FAM107A: variants seen among roughly 807,000 people sequenced by gnomAD.
FAM107A encodes the protein family with sequence similarity 107 member A.
FAM107A carries 19 observed loss-of-function variants against 13.7 expected under a neutral mutation model. That is an observed-to-expected ratio of 1.38 (90% CI 0.97 to 2.03). The LOEUF (loss-of-function observed/expected upper bound fraction) is 2.03, where lower values mean the gene tolerates loss of function less well. FAM107A is among the 30% of genes most tolerant of loss of function. The pLI, the probability that FAM107A is intolerant of heterozygous loss-of-function variation, is 0.00. For synonymous variants in FAM107A, 82 were observed against 74.5 expected (o/e 1.10, Z -0.52); for missense variants, 203 against 184.4 (o/e 1.10, Z -0.58).
rs556649569 is a variant in FAM107A at position 58,617,050 on chromosome 3, G to C, written c.-70+10366C>G. Among the ~76,000 whole-genome samples, 2 of 152,174 alleles carry C rather than the reference G, an allele frequency of 1.3e-5. No homozygotes were observed. The highest frequency in any genetic ancestry group is 1.3e-4 in the Admixed American group (2 of 15,284). On this transcript the variant is annotated intron_variant, in intron 1 of 3. Transcript: ENST00000465970. The surrounding 1 kb of genome is among the most constrained non-coding windows in gnomAD (Gnocchi z 4.5). ...GCCTCCCAAAGTGCTGGGATTACAG[G>C]CGTGAGCCACCGCGCCTGGCCTCGG...
chr3:58,583,478 C>T (rs190794853), intron 1 of FAM107A, among the ~76,000 whole-genome samples: 293 of 152,120 alleles, frequency 1.9e-3, no homozygotes, highest in African/African-American at 6.7e-3. Flanking sequence ...CAAAATTAGC[C>T]GGGCGTGGTG....
intron 1 of FAM107A, among the ~76,000 whole-genome samples, chr3:58,614,755 T>C (rs1222289476): frequency 6.6e-6 from 1 of 152,200 alleles, no homozygotes. Context: ...TCCACCCACC[T>C]TGGCCTCCCA....
chr3:58,613,138 C>T lies in FAM107A; in HGVS notation c.-70+14278G>A, dbSNP rs2065870299. On this transcript the variant is annotated intron_variant, in intron 1 of 3. Transcript: ENST00000465970. This position sits in a 1 kb window ranked among gnomAD's most constrained non-coding sequence, Gnocchi z 4.6. ...AATCTAGCCCAAGGGAGCCAACTGC[C>T]TGTTTTGTCAGGTAACACCGACAAA... Among the ~76,000 whole-genome samples the T allele has an allele frequency of 6.6e-6, 1 of 152,194 alleles. No homozygotes were observed. Among genetic ancestry groups the T allele is most frequent in the South Asian group, 2.1e-4 (1 of 4,824 alleles).
chr3:58,565,690 G>A lies in FAM107A; in HGVS notation c.*898C>T, dbSNP rs1045880582. Reference sequence around the variant, plus strand: ...GGGGCATCAGTCCACAGGAGGTGGGGGCCAGCGATGGCTTCAGGGGTGATA... The same window carrying A: ...GGGGCATCAGTCCACAGGAGGTGGGAGCCAGCGATGGCTTCAGGGGTGATA... On this transcript the variant is annotated 3_prime_UTR_variant, in exon 4 of 4. Coordinates refer to ENST00000360997, the MANE Select transcript of FAM107A (RefSeq NM_001076778.3). 1 of 151,860 alleles carries A rather than the reference G, an allele frequency of 6.6e-6. No individual in the cohort carries two copies. Among genetic ancestry groups the A allele is most frequent in the East Asian group, 1.9e-4 (1 of 5,158 alleles). 9.4% of individuals were successfully genotyped at this position (151,860 alleles called of 1,614,324 possible).
chr3:58,579,284 CAG>C (rs1054308923), upstream of FAM107A, among the ~76,000 whole-genome samples: 1 of 151,930 alleles, frequency 6.6e-6, no homozygotes, highest in African/African-American at 2.4e-5. Context: ...AGGTGGGAGA[CAG>C]GGGTGGAGTG....
In FAM107A at chr3:58,602,208, A is replaced by G. The variant is rs181957959; in HGVS notation, c.-69-12939T>C. On this transcript the variant is annotated intron_variant, in intron 1 of 3. Coordinates refer to the FAM107A transcript ENST00000465970. ...GAAATCCAAACGGTCCACAAACGTA[A>G]GAAAGATGCTCTGCCTCCCCAGAAA... 4.7e-4 allele frequency among the ~76,000 whole-genome samples: 71 copies of G among 152,324 alleles called. 2 individuals are homozygous for G. Among genetic ancestry groups the G allele is most frequent in the Admixed American group, 2.2e-3 (33 of 15,300 alleles).
chr3:58,572,556 T>C (rs1481719725), intron 1 of FAM107A, among the ~76,000 whole-genome samples: 1 of 152,116 alleles, frequency 6.6e-6, no homozygotes, highest in Non-Finnish European at 1.5e-5. Flanking sequence ...TGGTGTGAGC[T>C]GAGAGACTGG....
At chr3:58,568,481 T>G (rs2063646851) in intron 2 of FAM107A, among the ~76,000 whole-genome samples, 1 of 152,188 alleles carries the variant, frequency 6.6e-6, no homozygotes, top group Non-Finnish European at 1.5e-5. Flanking sequence ...ATCTGAATTT[T>G]TTTTTGTATA....
Position 58,604,851 on chromosome 3 carries a change from T to C in FAM107A, c.-69-15582A>G, listed in dbSNP as rs1266173930. Among the ~76,000 whole-genome samples the C allele has an allele frequency of 6.6e-6, 1 of 152,222 alleles. No individual in the cohort carries two copies. Among genetic ancestry groups the C allele is most frequent in the African/African-American group, 2.4e-5 (1 of 41,454 alleles). ...ACATTTTCCTGTCTCTTTGCATGTCTAAACAATTTTGATTGTATACTGGAG... is the reference window on the plus strand; with the variant it reads ...ACATTTTCCTGTCTCTTTGCATGTCCAAACAATTTTGATTGTATACTGGAG... On this transcript the variant is annotated intron_variant, in intron 1 of 3. Transcript: ENST00000465970. This position sits in a 1 kb window ranked among gnomAD's most constrained non-coding sequence, Gnocchi z 4.1.
chr3:58,566,366 T>C lies in FAM107A; in HGVS notation c.*222A>G, dbSNP rs900135382. The C allele has an allele frequency of 5.5e-6, 3 of 545,532 alleles. No homozygotes were observed. Among genetic ancestry groups the C allele is most frequent in the African/African-American group, 1.9e-5 (1 of 52,640 alleles). 33.8% of individuals were successfully genotyped at this position (545,532 alleles called of 1,614,324 possible). On this transcript the variant is annotated 3_prime_UTR_variant, in exon 4 of 4. Transcript: ENST00000360997. ...TGCAGGGAGGGGTGCAGGTTATCCCTCTTGGAGCAGGAGGGCTGGGTGCTT... is the reference window on the plus strand; with the variant it reads ...TGCAGGGAGGGGTGCAGGTTATCCCCCTTGGAGCAGGAGGGCTGGGTGCTT...
At chr3:58,585,087 C>G (rs1188431681) in intron 1 of FAM107A, among the ~76,000 whole-genome samples, 1 of 152,218 alleles carries the variant, frequency 6.6e-6, no homozygotes, top group Non-Finnish European at 1.5e-5. Flanking sequence ...GCCTCCGTCC[C>G]TTTTCCGAGG....
intron 1 of FAM107A, among the ~76,000 whole-genome samples, chr3:58,611,909 C>T (rs1334321922): frequency 6.6e-6 from 1 of 151,944 alleles, no homozygotes; most frequent in Admixed American, 6.6e-5. Flanking sequence ...TGCCAAACTG[C>T]TCTGGGTGAG....
At chr3:58,567,634 T>C (rs2063636236) in intron 2 of FAM107A, among the ~76,000 whole-genome samples, 1 of 152,194 alleles carries the variant, frequency 6.6e-6, no homozygotes, top group African/African-American at 2.4e-5. Flanking sequence ...AGTTTTATGT[T>C]ATTTCTGGTT....
At chr3:58,593,502 A>G (rs945990286) in intron 1 of FAM107A, among the ~76,000 whole-genome samples, 1 of 151,836 alleles carries the variant, frequency 6.6e-6, no homozygotes, top group Non-Finnish European at 1.5e-5. Context: ...TCAAACAACC[A>G]CCCTTAAGTC....
In FAM107A at chr3:58,567,322, T is replaced by C; in HGVS notation, c.213A>G (p.Leu71=). The C allele has an allele frequency of 6.2e-7, 1 of 1,612,350 alleles. No homozygotes were observed. The highest frequency in any genetic ancestry group is 1.1e-5 in the South Asian group (1 of 90,754). The part of the protein sequence containing the change: ...VDSKPELQRV[L]EHRRRNQLIK... ...TGAGCTGGTTCCGCCGGCGGTGCTC[T>C]AGGACACGCTGCAGCTCTGGCTTGC... The change falls in exon 3 of 4, where the codon CTA becomes CTG. Residue 71 remains leucine (L), a synonymous_variant. Coordinates refer to ENST00000360997, the MANE Select transcript of FAM107A (RefSeq NM_001076778.3).
At position 58,597,187 on chromosome 3, in the gene FAM107A, A is replaced by G. The variant is rs566150230; in HGVS notation, c.-69-7918T>C. On this transcript the variant is annotated intron_variant, in intron 1 of 3. Transcript: ENST00000465970. ...TTCCATGAATTTTTGGGTCAAAATG[A>G]GTGCTCATTTCTGTTGGGCAGATAT... Among the ~76,000 whole-genome samples the G allele has an allele frequency of 2.6e-4, 39 of 152,354 alleles. 1 individual carries two copies. The South Asian group carries it at 7.4e-3, about 29-fold the overall frequency.
At chr3:58,587,474 AGTGTGTGTGTGTGTGTGTGTGTGTGT>A (rs376881213), upstream of FAM107A, among the ~76,000 whole-genome samples, 4 of 145,452 alleles carry the variant, frequency 2.8e-5, no homozygotes, top group Non-Finnish European at 4.6e-5. Flanking sequence ...ATCAGCTTAG[AGTGTGTGTGTGTGTGTGTGTGTGTGT>A]GTGTGTGTGT....
At chr3:58,603,529 AAGATGTGGGCTCAGCTGAAGTCTAGCCTC>A (rs1213049483) in intron 1 of FAM107A, among the ~76,000 whole-genome samples, 2 of 152,170 alleles carry the variant, frequency 1.3e-5, no homozygotes, top group Non-Finnish European at 2.9e-5. Context: ...AAGTTAAGTC[AAGATGTGGGCTCAGCTGAAGTCTAGCCTC>A]AGGGGGATGC....
chr3:58,590,850 T>A (rs556144274), upstream of FAM107A, among the ~76,000 whole-genome samples: 16 of 152,308 alleles, frequency 1.1e-4, no homozygotes, highest in Admixed American at 2.6e-4. Context: ...CTCCTTCAAG[T>A]CGTTCTCCAC....
Sources: allele counts gnomAD v4.1 joint callset (sites outside exome capture counted in the v4.1 genomes callset), GRCh38; gene constraint gnomAD v4.1.1; non-coding constraint Gnocchi (gnomAD v3.1); transcripts MANE v1.5; gene names NCBI Gene and HGNC (gene_info 2026-07-23, HGNC 2026-07-21).